Variants in ATP8B4 observed in about 807,000 individuals in gnomAD.
The protein encoded by ATP8B4 is probable phospholipid-transporting ATPase IM.
A neutral mutation model predicts 145.6 loss-of-function variants in ATP8B4; 133 were observed. That is an observed-to-expected ratio of 0.91 (90% CI 0.79 to 1.05). The LOEUF (loss-of-function observed/expected upper bound fraction) is 1.05, where lower values mean the gene tolerates loss of function less well. Ranked by LOEUF, ATP8B4 falls within the 50% of genes least tolerant of loss-of-function variation. The pLI is 0.00. For missense variants in ATP8B4, 1,458 were observed against 1,425.2 expected, an observed-to-expected ratio of 1.02 and a Z score of -0.37; for synonymous variants, 507 against 492.9, an observed-to-expected ratio of 1.03 and a Z score of -0.38.
At position 50,005,779 on chromosome 15, in the gene ATP8B4, G is replaced by A. The variant is rs765574535; in HGVS notation, c.436-3556C>T. 5.2e-4 allele frequency among the ~76,000 whole-genome samples: 79 copies of A among 152,184 alleles called. 1 individual carries two copies. Among genetic ancestry groups the A allele is most frequent in the Non-Finnish European group, 9.1e-4 (62 of 68,044 alleles). On this transcript the variant is annotated intron_variant, in intron 7 of 27. Coordinates refer to ENST00000284509, the MANE Select transcript of ATP8B4 (RefSeq NM_024837.4). The stretch of plus-strand genomic sequence containing the variant: ...GGAACACAACTACGAAAAACAGAAA[G>A]TATTTCACTTTGTTTTATGTTTTGT...
At chr15:50,144,957 G>A (rs566784913) in intron 1 of ATP8B4, among the ~76,000 whole-genome samples, 10 of 152,206 alleles carry the variant, frequency 6.6e-5, no homozygotes, top group South Asian at 2.1e-4. Context: ...ACTGAATATC[G>A]TAGAAAATAT....
chr15:49,860,571 A>G, intron 27 of ATP8B4, 96 bp from the exon 28 acceptor site: 1 of 1,371,452 alleles, frequency 7.3e-7, no homozygotes, highest in Non-Finnish European at 9.7e-7. Context: ...TTTTTTTATA[A>G]GTAAAAACAA....
chr15:50,081,654 C>T (rs898231252), intron 2 of ATP8B4, among the ~76,000 whole-genome samples: 17 of 152,258 alleles, frequency 1.1e-4, no homozygotes, highest in African/African-American at 4.1e-4. Context: ...ATTTGTAACA[C>T]CTTAGTATTT....
At position 50,005,485 on chromosome 15, in the gene ATP8B4, T is replaced by G. The variant is rs571900264; in HGVS notation, c.436-3262A>C. On this transcript the variant is annotated intron_variant, in intron 7 of 27. Transcript: ENST00000284509. ...TCACAACCCTGTGAGTGAGTAGTAT[T>G]ATTCCCATTGTATGGATGAGGAACC... is the stretch of plus-strand genomic sequence containing the variant. Among the ~76,000 whole-genome samples the G allele has an allele frequency of 1.5e-3, 222 of 152,326 alleles. 1 individual carries two copies. Among genetic ancestry groups the G allele is most frequent in the Middle Eastern group, 0.01 (3 of 294 alleles).
intron 1 of ATP8B4, among the ~76,000 whole-genome samples, chr15:50,112,248 A>T (rs1210447586): frequency 6.6e-6 from 1 of 152,172 alleles, no homozygotes; most frequent in Non-Finnish European, 1.5e-5. Context: ...GCCAGGAAAA[A>T]GCACAGGCAG....
At chr15:49,963,837 C>A (rs2044300448) in intron 13 of ATP8B4, among the ~76,000 whole-genome samples, 2 of 152,002 alleles carry the variant, frequency 1.3e-5, no homozygotes. Context: ...GTCTAGGAAA[C>A]CACCATGGCA....
chr15:50,035,280 A>G (rs1257538824), intron 6 of ATP8B4, among the ~76,000 whole-genome samples: 1 of 152,366 alleles, frequency 6.6e-6, no homozygotes, highest in East Asian at 1.9e-4. Context: ...TGCTCCAGGC[A>G]CTGAAAGTGT....
chr15:49,992,176 GATA>G (rs1567158926), intron 9 of ATP8B4, among the ~76,000 whole-genome samples: 6 of 152,164 alleles, frequency 3.9e-5, no homozygotes. Flanking sequence ...GGTTTAACAA[GATA>G]ATGTGTGCAA....
intron 6 of ATP8B4, among the ~76,000 whole-genome samples, chr15:50,033,446 T>C (rs1383980595): frequency 6.6e-6 from 1 of 152,226 alleles, no homozygotes; most frequent in Non-Finnish European, 1.5e-5. Flanking sequence ...ACTCTATTTG[T>C]TAATAATGAC....
At chr15:50,141,790 ATAAAAT>A (rs67660299) in intron 1 of ATP8B4, among the ~76,000 whole-genome samples, 24,485 of 152,062 alleles carry the variant, frequency 0.16, 2,192 homozygotes, top group Non-Finnish European at 0.21. Flanking sequence ...TAAAAGTGAA[ATAAAAT>A]TAAGAATTCC....
At chr15:49,921,352 T>C (rs2040242229) in intron 17 of ATP8B4, among the ~76,000 whole-genome samples, 2 of 152,226 alleles carry the variant, frequency 1.3e-5, no homozygotes, top group South Asian at 4.1e-4. Context: ...TCAAACTGAT[T>C]GGGGAAGCAT....
intron 2 of ATP8B4, among the ~76,000 whole-genome samples, chr15:50,091,150 T>C (rs1255908472): frequency 6.6e-6 from 1 of 152,136 alleles, no homozygotes; most frequent in Non-Finnish European, 1.5e-5. Context: ...TAATTATTTT[T>C]ATATTGGGAA....
At chr15:50,095,329 G>C (rs1415711947) in intron 2 of ATP8B4, among the ~76,000 whole-genome samples, 1 of 152,162 alleles carries the variant, frequency 6.6e-6, no homozygotes, top group Non-Finnish European at 1.5e-5. Flanking sequence ...CAAAATGAGA[G>C]AGATCTTCAA....
chr15:50,042,493 T>G (rs1215136012), intron 5 of ATP8B4, among the ~76,000 whole-genome samples: 1 of 152,168 alleles, frequency 6.6e-6, no homozygotes, highest in Non-Finnish European at 1.5e-5. Context: ...TCCCTAATTC[T>G]CTTTCACACA....
At chr15:49,993,375 A>AGTGTGT (rs34145133) in intron 9 of ATP8B4, among the ~76,000 whole-genome samples, 2,425 of 151,274 alleles carry the variant, frequency 0.016, 43 homozygotes, top group African/African-American at 0.049. Context: ...TGCTGATAGT[A>AGTGTGT]GTGTGTGTGT....
chr15:50,034,856 A>G (rs1197824035), intron 6 of ATP8B4, among the ~76,000 whole-genome samples: 1 of 152,206 alleles, frequency 6.6e-6, no homozygotes, highest in African/African-American at 2.4e-5. Context: ...GGCCAGGAAT[A>G]GTTAGCATGA....
intron 1 of ATP8B4, among the ~76,000 whole-genome samples, chr15:50,162,253 T>C (rs904962431): frequency 9.2e-5 from 14 of 151,870 alleles, no homozygotes; most frequent in African/African-American, 2.9e-4. Flanking sequence ...CTTGAGGTAG[T>C]CTTCTCTGAG....
At chr15:50,120,141 T>G (rs74012892), upstream of ATP8B4, among the ~76,000 whole-genome samples, 8,502 of 152,210 alleles carry the variant, frequency 0.056, 279 homozygotes, top group African/African-American at 0.086. Flanking sequence ...AAATAGATTT[T>G]AATCATGTCT....
chr15:50,087,277 ATAGAATAAT>A (rs1200686679), intron 2 of ATP8B4, among the ~76,000 whole-genome samples: 2 of 136,084 alleles, frequency 1.5e-5, no homozygotes, highest in East Asian at 2.2e-4. Context: ...ATTATATATA[ATAGAATAAT>A]ATATAGATCT....
Sources: gnomAD v4.1 joint callset for allele counts (sites outside exome capture counted in the v4.1 genomes callset) on GRCh38, gnomAD v4.1.1 for gene constraint, MANE v1.5 for transcripts, NCBI Gene and HGNC (gene_info 2026-07-23, HGNC 2026-07-21) for gene names.